ZFHX3: variants seen among roughly 807,000 people sequenced by gnomAD.
ZFHX3 encodes zinc finger homeobox 3, also known as zinc finger homeobox protein 3.
In ZFHX3, 42 loss-of-function variants were observed where a neutral mutation model predicts 279.1. The ratio of observed to expected loss-of-function variants is 0.15; its 90% CI spans 0.12 to 0.19. The LOEUF is 0.19. Among genes scored for constraint, ZFHX3 ranks in the 10% least tolerant of loss-of-function variants. The probability of loss-of-function intolerance (pLI) is 1.00; values close to 1 mark genes in which losing one functional copy is unlikely to be tolerated. For synonymous variants in ZFHX3, 2,293 were observed against 1,957.8 expected (o/e 1.17, Z -4.52); for missense variants, 4,981 against 4,754.0 (o/e 1.05, Z -1.40).
At chr16:72,846,560 T>C (rs1441396203) in intron 4 of ZFHX3, among the ~76,000 whole-genome samples, 1 of 152,236 alleles carries the variant, frequency 6.6e-6, no homozygotes, top group Non-Finnish European at 1.5e-5. Flanking sequence ...CATATGGTCC[T>C]GAGACCCACC....
intron 1 of ZFHX3, among the ~76,000 whole-genome samples, chr16:73,716,767 T>C (rs1393815328): frequency 2.0e-5 from 3 of 152,064 alleles, no homozygotes; most frequent in Non-Finnish European, 4.4e-5. Context: ...GTTCGGCTCC[T>C]TTGGGAGGAG....
At chr16:73,246,677 T>G (rs79349215) in intron 5 of ZFHX3, among the ~76,000 whole-genome samples, 1,524 of 152,348 alleles carry the variant, frequency 0.01, 29 homozygotes, top group African/African-American at 0.035. Flanking sequence ...TGCTCGTATC[T>G]TAAAGCAAGT....
At chr16:73,017,536 C>G (rs775223440) in intron 1 of ZFHX3, among the ~76,000 whole-genome samples, 5 of 152,176 alleles carry the variant, frequency 3.3e-5, no homozygotes, top group Non-Finnish European at 7.3e-5. Context: ...GGCTCCCCAC[C>G]AATGTCTTGG....
In ZFHX3 at chr16:73,617,877, C is replaced by A. The variant is rs539010759; in HGVS notation, c.-1547+62303G>T. 5.3e-4 allele frequency among the ~76,000 whole-genome samples: 81 copies of A among 152,252 alleles called. 1 individual carries two copies. Among genetic ancestry groups the A allele is most frequent in the African/African-American group, 1.9e-3 (77 of 41,552 alleles). ...CTACCCAGATGCTATCCTTTCTATT[C>A]ATGCAGTCCCCCTTGAGTGTCTTAA... On this transcript the variant is annotated intron_variant, in intron 2 of 17. Coordinates refer to the ZFHX3 transcript ENST00000641206.
At position 72,784,156 on chromosome 16, in the gene ZFHX3, CTTA is replaced by C. The variant is rs1291601862; in HGVS notation, c.*3005_*3007del. On this transcript the variant is annotated 3_prime_UTR_variant, in exon 10 of 10. Coordinates refer to ENST00000268489, the MANE Select transcript of ZFHX3 (RefSeq NM_006885.4). ...GTGCTCAGCCAATCTATTCAACCAC[CTTA>C]TTGTCGCCAAACACCCACAGCTCAA... The C allele has an allele frequency of 6.6e-6, 1 of 152,414 alleles. No individual in the cohort carries two copies. Among genetic ancestry groups the C allele is most frequent in the African/African-American group, 2.4e-5 (1 of 41,338 alleles). 9.4% of individuals were successfully genotyped at this position (152,414 alleles called of 1,614,324 possible). A position where few individuals can be genotyped will look rare whatever the true frequency, so the allele number is the denominator to read the frequency against.
intron 5 of ZFHX3, among the ~76,000 whole-genome samples, chr16:73,181,367 G>C (rs963446324): frequency 1.3e-5 from 2 of 152,166 alleles, no homozygotes; most frequent in African/African-American, 4.8e-5. Flanking sequence ...TGGGATTACA[G>C]GCATGAGCCA....
chr16:73,136,697 C>T (rs8045588), intron 6 of ZFHX3, among the ~76,000 whole-genome samples: 5 of 131,564 alleles, frequency 3.8e-5, no homozygotes, highest in East Asian at 2.2e-4. Flanking sequence ...CTGCCCTACA[C>T]GCTGGGTGAC....
At chr16:73,060,244 C>G (rs1965664313), upstream of ZFHX3, 1 of 141,452 alleles carries the variant, frequency 7.1e-6, no homozygotes, top group South Asian at 2.3e-4. Context: ...AAAAAAAAAG[C>G]CTTACAGCTA....
intron 6 of ZFHX3, among the ~76,000 whole-genome samples, chr16:73,135,916 G>A (rs902315198): frequency 1.3e-5 from 2 of 151,230 alleles, no homozygotes; most frequent in African/African-American, 2.4e-5. Context: ...GGAGTACAGT[G>A]GTGCGATCTC....
intron 2 of ZFHX3, among the ~76,000 whole-genome samples, chr16:73,659,527 G>A (rs550103476): frequency 7.9e-5 from 12 of 152,146 alleles, no homozygotes; most frequent in Admixed American, 7.2e-4. Context: ...GGCACCATGC[G>A]CACTCACAAT....
At chr16:73,533,849 C>G (rs2019849038) in intron 2 of ZFHX3, among the ~76,000 whole-genome samples, 1 of 152,094 alleles carries the variant, frequency 6.6e-6, no homozygotes, top group Admixed American at 6.5e-5. Flanking sequence ...CCTAAATGTA[C>G]ACAGAATCCA....
At chr16:73,200,916 T>A (rs927814606) in intron 5 of ZFHX3, among the ~76,000 whole-genome samples, 2 of 152,220 alleles carry the variant, frequency 1.3e-5, no homozygotes, top group Non-Finnish European at 1.5e-5. Flanking sequence ...AATTTTCCAA[T>A]GCCTTGGGAC....
chr16:73,280,813 C>A (rs1229644042), intron 4 of ZFHX3, among the ~76,000 whole-genome samples: 2 of 151,922 alleles, frequency 1.3e-5, no homozygotes, highest in Non-Finnish European at 2.9e-5. Context: ...GAAACCCCAT[C>A]TCTACTAAAA....
intron 2 of ZFHX3, among the ~76,000 whole-genome samples, chr16:73,468,462 G>A (rs562750658): frequency 2.0e-5 from 3 of 152,144 alleles, no homozygotes; most frequent in Non-Finnish European, 2.9e-5. Context: ...TTAGCTAGGC[G>A]TGGTGGCTCA....
chr16:73,129,628 G>A (rs920629170), intron 7 of ZFHX3, among the ~76,000 whole-genome samples: 11 of 151,280 alleles, frequency 7.3e-5, no homozygotes, highest in African/African-American at 2.7e-4. Context: ...ATGCAGATGT[G>A]TGCGTGTGTG....
chr16:73,161,500 A>G (rs1327887747), intron 5 of ZFHX3, among the ~76,000 whole-genome samples: 1 of 152,170 alleles, frequency 6.6e-6, no homozygotes, highest in African/African-American at 2.4e-5. Context: ...TGTGCCTCCA[A>G]AGTGCCTAGC....
chr16:72,957,805 C>G lies in ZFHX3; in HGVS notation c.2341G>C (p.Ala781Pro). The G allele has an allele frequency of 1.3e-6, 2 of 1,589,768 alleles. No homozygotes were observed. Among genetic ancestry groups the G allele is most frequent in the Non-Finnish European group, 1.7e-6 (2 of 1,162,686 alleles). Residue 781 changes from alanine (A) to proline (P), a missense_variant, in exon 2 of 10, where the codon GCG becomes CCG. Around this residue, in one of 7 missense-constraint regions of ZFHX3, gnomAD observed 1,751 missense variants for 1,770.0 expected, o/e 0.99. Coordinates refer to ENST00000268489, the MANE Select transcript of ZFHX3 (RefSeq NM_006885.4). ...GAGCTACTGATATTGGCTGCCGCCG[C>G]CGCCGCAGCCACCGCCGCCGCCGCC... ...GAAAAAVAAA[A>P]AAANISSSCG...
At chr16:73,052,445 C>T (rs1279470133), upstream of ZFHX3, among the ~76,000 whole-genome samples, 2 of 151,988 alleles carry the variant, frequency 1.3e-5, no homozygotes, top group East Asian at 1.9e-4. Flanking sequence ...ACCTTTTTCA[C>T]GCTTTCCCCC....
intron 1 of ZFHX3, among the ~76,000 whole-genome samples, chr16:73,830,247 C>T (rs1334552549): frequency 1.4e-5 from 2 of 141,998 alleles, no homozygotes; most frequent in East Asian, 2.2e-4. Context: ...GAGGCAATGC[C>T]TCGCCCTGCT....
Sources: gnomAD v4.1 joint callset for allele counts (sites outside exome capture counted in the v4.1 genomes callset) on GRCh38, gnomAD v4.1.1 for gene constraint, gnomAD v4.1.1 regional missense constraint, MANE v1.5 for transcripts, NCBI Gene and HGNC (gene_info 2026-07-23, HGNC 2026-07-21) for gene names.